ADGRL2: variants seen among roughly 807,000 people sequenced by gnomAD.
ADGRL2 encodes the protein calcium-independent alpha-latrotoxin receptor 2.
In ADGRL2, 44 loss-of-function variants were observed where a neutral mutation model predicts 157.4. The observed-to-expected ratio is 0.28, with a 90% CI of 0.22 to 0.36. The LOEUF is 0.36. ADGRL2 is among the 10% of genes least tolerant of loss of function. The pLI, the probability that ADGRL2 is intolerant of heterozygous loss-of-function variation, is 1.00. For synonymous variants in ADGRL2, 585 were observed against 624.7 expected (o/e 0.94, Z 0.95); for missense variants, 1,510 against 1,768.9 (o/e 0.85, Z 2.63).
intron 1 of ADGRL2, chr1:81,426,594 A>T: frequency 2.1e-6 from 1 of 475,264 alleles, no homozygotes; most frequent in Non-Finnish European, 4.2e-6. Flanking sequence ...CTTTGAAACG[A>T]CAGATGATAG....
intron 1 of ADGRL2, among the ~76,000 whole-genome samples, chr1:81,419,810 C>A (rs1218795748): frequency 1.3e-5 from 2 of 152,174 alleles, no homozygotes; most frequent in Non-Finnish European, 2.9e-5. Flanking sequence ...TGGTTTTAGT[C>A]CATCTAATCC....
intron 3 of ADGRL2, among the ~76,000 whole-genome samples, chr1:81,910,738 A>T (rs1442165630): frequency 6.0e-5 from 9 of 150,806 alleles, no homozygotes; most frequent in East Asian, 3.9e-4. Flanking sequence ...TCCTTTTTTA[A>T]AAAAAAAACT....
intron 2 of ADGRL2, among the ~76,000 whole-genome samples, chr1:81,445,997 C>A (rs1312502622): frequency 1.3e-5 from 2 of 152,198 alleles, no homozygotes; most frequent in African/African-American, 4.8e-5. Context: ...AACCTCCTCA[C>A]CTTACTTGCT....
At chr1:81,973,717 T>C (rs1012964563) in intron 17 of ADGRL2, among the ~76,000 whole-genome samples, 17 of 152,286 alleles carry the variant, frequency 1.1e-4, no homozygotes, top group African/African-American at 3.8e-4. Context: ...ATCCTTCAGG[T>C]TGAGATGTGA....
chr1:81,608,800 T>A (rs991035212), intron 3 of ADGRL2, among the ~76,000 whole-genome samples: 15 of 152,180 alleles, frequency 9.9e-5, no homozygotes, highest in African/African-American at 3.6e-4. Flanking sequence ...TCCCCAATAT[T>A]ACTTGCCCAT....
chr1:81,641,799 A>T (rs2082223818), intron 3 of ADGRL2, among the ~76,000 whole-genome samples: 1 of 152,152 alleles, frequency 6.6e-6, no homozygotes, highest in Non-Finnish European at 1.5e-5. Flanking sequence ...ATGAAATCCA[A>T]AGTAGGCAGA....
chr1:81,776,881 A>T (rs1351763781), intron 2 of ADGRL2, among the ~76,000 whole-genome samples: 1 of 152,224 alleles, frequency 6.6e-6, no homozygotes, highest in Non-Finnish European at 1.5e-5. Context: ...TAACATTAAA[A>T]TAACCTAGAA....
At chr1:81,947,673 T>C (rs1479712250) in intron 6 of ADGRL2, among the ~76,000 whole-genome samples, 2 of 152,174 alleles carry the variant, frequency 1.3e-5, no homozygotes, top group Non-Finnish European at 2.9e-5. Context: ...CATTTCCACC[T>C]GTGGAAATAA....
At chr1:81,966,934 G>T (rs2296699) in intron 13 of ADGRL2, among the ~76,000 whole-genome samples, 16,885 of 152,152 alleles carry the variant, frequency 0.11, 1,838 homozygotes, top group East Asian at 0.57. Flanking sequence ...TTACTTAGCA[G>T]CAGGATAGCT....
intron 1 of ADGRL2, among the ~76,000 whole-genome samples, chr1:81,341,503 G>A (rs1662072016): frequency 6.6e-6 from 1 of 151,274 alleles, no homozygotes; most frequent in Non-Finnish European, 1.5e-5. Context: ...TTTATTGCCT[G>A]GTACTTAAGC....
intron 5 of ADGRL2, among the ~76,000 whole-genome samples, chr1:81,942,284 C>G (rs1159436776): frequency 6.6e-6 from 1 of 151,584 alleles, no homozygotes; most frequent in African/African-American, 2.4e-5. Context: ...TCTTTTTTAC[C>G]CTTTATCTCT....
chr1:81,561,277 A>AT (rs1403552520), intron 2 of ADGRL2, among the ~76,000 whole-genome samples: 1 of 152,062 alleles, frequency 6.6e-6, no homozygotes, highest in Non-Finnish European at 1.5e-5. Context: ...AGATAGTGGG[A>AT]TTTTAGTGAT....
At chr1:81,888,587 C>G (rs183968897) in intron 2 of ADGRL2, among the ~76,000 whole-genome samples, 3 of 152,034 alleles carry the variant, frequency 2.0e-5, no homozygotes, top group African/African-American at 4.8e-5. Context: ...TACAGGCGCC[C>G]GCCACCGCGC....
At chr1:81,387,473 A>G (rs539402065) in intron 1 of ADGRL2, among the ~76,000 whole-genome samples, 4 of 152,262 alleles carry the variant, frequency 2.6e-5, no homozygotes, top group South Asian at 2.1e-4. Flanking sequence ...TTTGTTTTCT[A>G]TAGAAGGCAC....
intron 1 of ADGRL2, among the ~76,000 whole-genome samples, chr1:81,345,644 C>T (rs1462565440): frequency 1.3e-5 from 2 of 151,978 alleles, no homozygotes; most frequent in African/African-American, 4.8e-5. Context: ...CTAGAAAAAA[C>T]AGGTGAATTG....
At chr1:81,325,061 T>C (rs1660802901) in intron 1 of ADGRL2, among the ~76,000 whole-genome samples, 1 of 152,084 alleles carries the variant, frequency 6.6e-6, no homozygotes. Flanking sequence ...TTGGCCATAG[T>C]ACATTTGAGA....
rs144417484 is a variant in ADGRL2 at position 81,709,945 on chromosome 1, C to T, written c.-143+10137C>T. Among the ~76,000 whole-genome samples, 75 of 152,202 alleles carry T rather than the reference C, an allele frequency of 4.9e-4. 1 individual carries two copies. The highest frequency in any genetic ancestry group is 1.6e-3 in the African/African-American group (68 of 41,546). On this transcript the variant is annotated intron_variant, in intron 1 of 20. Coordinates refer to the ADGRL2 transcript ENST00000359929. ...ACTTATAGAGAAATAACTGTTTCCC[C>T]GTCCCCCTCACCAACTCAACTTGAT...
intron 1 of ADGRL2, among the ~76,000 whole-genome samples, chr1:81,801,780 C>A (rs926841134): frequency 1.3e-5 from 2 of 152,160 alleles, no homozygotes; most frequent in African/African-American, 4.8e-5. Flanking sequence ...CTCGCGCCCC[C>A]GGCGCCCTCC....
Position 81,479,312 on chromosome 1 carries a change from AAAATAC to A in ADGRL2, c.-248+34227_-248+34232del. ...ACATGGCAAAACCCTGTCTCTACTA[AAAATAC>A]AAAAAAAAAAAAAAATTAGCTGGGT... On this transcript the variant is annotated intron_variant, in intron 2 of 24. Transcript: ENST00000370721. Among the ~76,000 whole-genome samples the A allele has an allele frequency of 1.3e-5, 2 of 150,594 alleles. 1 individual carries two copies. The highest frequency in any genetic ancestry group is 6.8e-3 in the Middle Eastern group (2 of 292).
Sources: gnomAD v4.1 joint callset for allele counts (sites outside exome capture counted in the v4.1 genomes callset) on GRCh38, gnomAD v4.1.1 for gene constraint, MANE v1.5 for transcripts, NCBI Gene and HGNC (gene_info 2026-07-23, HGNC 2026-07-21) for gene names.